The following DLG1 variants were observed in gnomAD, a reference collection of about 807,000 sequenced individuals.
The protein encoded by DLG1 is discs large MAGUK scaffold protein 1.
DLG1 carries 42 observed loss-of-function variants against 123.4 expected under a neutral mutation model. The observed-to-expected ratio is 0.34, with a 90% CI of 0.27 to 0.44. DLG1 has a LOEUF of 0.44. Ranked by LOEUF, DLG1 falls within the 20% of genes least tolerant of loss-of-function variation. The pLI is 1.00. For synonymous variants in DLG1, 317 were observed against 356.2 expected, an observed-to-expected ratio of 0.89 and a Z score of 1.24; for missense variants, 942 against 1,082.6, an observed-to-expected ratio of 0.87 and a Z score of 1.82.
intron 5 of DLG1, among the ~76,000 whole-genome samples, chr3:197,162,424 A>C (rs1799168499): frequency 1.3e-5 from 2 of 152,210 alleles, no homozygotes; most frequent in South Asian, 2.1e-4. Flanking sequence ...TATATAAATA[A>C]AATATCTTAT....
rs1727779478 is a variant in DLG1, at chr3:197,051,593, A to G, written c.2559T>C (p.Phe853=). The G allele has an allele frequency of 6.2e-7, 1 of 1,613,762 alleles. No individual in the cohort carries two copies. Among genetic ancestry groups the G allele is most frequent in the Admixed American group, 1.7e-5 (1 of 59,998 alleles). ...FERAMKLEQE[F]TEHFTAIVQG... is the part of the protein sequence containing the mutation. The stretch of plus-strand genomic sequence containing the variant: ...GGTTCCAACCTGTGAAATGTTCAGT[A>G]AACTCCTGTTCCAGTTTCATGGCTC... Residue 853 remains phenylalanine (F), a synonymous_variant, in exon 24 of 25, where the codon TTT becomes TTC. Coordinates refer to ENST00000667157, the MANE Select transcript of DLG1 (RefSeq NM_001366207.1).
chr3:197,162,830 T>C (rs1050104667), intron 5 of DLG1, among the ~76,000 whole-genome samples: 4 of 152,098 alleles, frequency 2.6e-5, no homozygotes, highest in Non-Finnish European at 5.9e-5. Flanking sequence ...AAATCATAAA[T>C]GATGAAAGAA....
chr3:197,047,218 T>TC, intron 24 of DLG1, among the ~76,000 whole-genome samples: 1 of 152,292 alleles, frequency 6.6e-6, no homozygotes, highest in East Asian at 1.9e-4. Flanking sequence ...TAAGGGAATA[T>TC]CCCTGTTTTT....
At chr3:197,280,310 C>T (rs886620072) in intron 4 of DLG1, among the ~76,000 whole-genome samples, 11 of 150,818 alleles carry the variant, frequency 7.3e-5, no homozygotes, top group Non-Finnish European at 1.2e-4. Context: ...GGATTTCATT[C>T]TTTTTATGGC....
intron 4 of DLG1, among the ~76,000 whole-genome samples, chr3:197,255,899 G>A (rs764576808): frequency 6.6e-6 from 1 of 152,066 alleles, no homozygotes; most frequent in Non-Finnish European, 1.5e-5. Context: ...TTATAAAAAG[G>A]CATCAAGCTG....
intron 11 of DLG1, among the ~76,000 whole-genome samples, chr3:197,128,683 A>G (rs1781000373): frequency 6.6e-6 from 1 of 152,232 alleles, no homozygotes. Context: ...AAATAGTAAG[A>G]CTTGAAAGTC....
intron 17 of DLG1, 71 bp from the exon 18 acceptor site, chr3:197,076,756 G>A: frequency 8.6e-7 from 1 of 1,166,256 alleles, no homozygotes; most frequent in Non-Finnish European, 1.3e-6. Context: ...CAGCCTAGCA[G>A]CTCTGTGGAA....
At chr3:197,225,415 T>C (rs890037661) in intron 4 of DLG1, among the ~76,000 whole-genome samples, 4 of 152,202 alleles carry the variant, frequency 2.6e-5, no homozygotes, top group Non-Finnish European at 5.9e-5. Context: ...GTTCAAAAGC[T>C]TTCTTTCCTC....
chr3:197,066,362 C>T (rs1172557947), intron 20 of DLG1, among the ~76,000 whole-genome samples: 1 of 151,696 alleles, frequency 6.6e-6, no homozygotes, highest in African/African-American at 2.4e-5. Flanking sequence ...GTGCCTGGAA[C>T]CTAACTGGAT....
intron 3 of DLG1, among the ~76,000 whole-genome samples, chr3:197,294,464 G>A (rs1776398264): frequency 6.6e-6 from 1 of 152,084 alleles, no homozygotes; most frequent in Non-Finnish European, 1.5e-5. Flanking sequence ...GGCTTACACA[G>A]TGAAACCCCG....
chr3:197,053,912 C>G (rs1303934046), intron 23 of DLG1, among the ~76,000 whole-genome samples: 3 of 151,882 alleles, frequency 2.0e-5, no homozygotes, highest in Admixed American at 6.6e-5. Flanking sequence ...GGAAACATGG[C>G]AAAATCCTGT....
intron 19 of DLG1, among the ~76,000 whole-genome samples, chr3:197,066,987 A>G (rs6795358): frequency 0.15 from 22,083 of 152,098 alleles, 1,707 homozygotes; most frequent in African/African-American, 0.17. Context: ...TCAATATTAT[A>G]TTTTATAGAT....
At chr3:197,246,966 C>A (rs1273511288) in intron 4 of DLG1, among the ~76,000 whole-genome samples, 1 of 152,166 alleles carries the variant, frequency 6.6e-6, no homozygotes, top group Non-Finnish European at 1.5e-5. Context: ...AAAGAGGATG[C>A]CCAGGATGGA....
intron 5 of DLG1, among the ~76,000 whole-genome samples, chr3:197,168,921 T>C (rs1158266969): frequency 6.6e-6 from 1 of 152,246 alleles, no homozygotes; most frequent in Admixed American, 6.5e-5. Context: ...AAGGAAATTG[T>C]AAATTTCTAC....
At chr3:197,063,293 T>A (rs776300472) in intron 22 of DLG1, among the ~76,000 whole-genome samples, 7 of 152,202 alleles carry the variant, frequency 4.6e-5, no homozygotes, top group East Asian at 1.9e-4. Flanking sequence ...TTGATTTTTT[T>A]AAATATGTAA....
In DLG1 at chr3:197,043,869, C is replaced by T. The variant is rs1721405858; in HGVS notation, c.*754G>A. 6.6e-6 allele frequency: 1 copy of T among 152,088 alleles called. No homozygotes were observed. The highest frequency in any genetic ancestry group is 2.4e-5 in the African/African-American group (1 of 41,426). 9.4% of individuals were successfully genotyped at this position (152,088 alleles called of 1,614,324 possible). On this transcript the variant is annotated 3_prime_UTR_variant, in exon 25 of 25. Transcript: ENST00000667157. ...CTCAATCTTCTGTGTAAAAGGCGAA[C>T]TTCCTTAGCACCTGAACATGGCCTC...
chr3:197,046,759 C>A (rs1466204436), intron 24 of DLG1, among the ~76,000 whole-genome samples: 1 of 151,924 alleles, frequency 6.6e-6, no homozygotes, highest in East Asian at 1.9e-4. Flanking sequence ...AGTCCCAGCT[C>A]CTTGGGAGGC....
At chr3:197,283,859 GTTTTTTTTTT>G (rs36055840) in intron 3 of DLG1, among the ~76,000 whole-genome samples, 2 of 104,900 alleles carry the variant, frequency 1.9e-5, no homozygotes, top group Non-Finnish European at 3.9e-5. Context: ...CAGTTGGGTT[GTTTTTTTTTT>G]TTTTTTTTTT....
At chr3:197,155,601 A>C (rs954635708) in intron 5 of DLG1, among the ~76,000 whole-genome samples, 1 of 152,082 alleles carries the variant, frequency 6.6e-6, no homozygotes, top group African/African-American at 2.4e-5. Flanking sequence ...ACATGATTGA[A>C]GAGACCATTA....
Sources: allele counts gnomAD v4.1 joint callset (sites outside exome capture counted in the v4.1 genomes callset), GRCh38; gene constraint gnomAD v4.1.1; transcripts MANE v1.5; gene names NCBI Gene and HGNC (gene_info 2026-07-23, HGNC 2026-07-21).